CENPP: variants seen among roughly 807,000 people sequenced by gnomAD.
CENPP encodes centromere protein P.
In CENPP, 24 loss-of-function variants were observed where a neutral mutation model predicts 35.6. That is an observed-to-expected ratio of 0.67 (90% CI 0.49 to 0.95). CENPP has a LOEUF of 0.95. CENPP is among the 40% of genes least tolerant of loss of function. The pLI is 0.00. For missense variants in CENPP, 332 were observed against 345.3 expected (o/e 0.96, Z 0.31); for synonymous variants, 120 against 125.5 (o/e 0.96, Z 0.29).
Position 92,358,952 on chromosome 9 carries a change from CT to C in CENPP, c.467+13179del, listed in dbSNP as rs547707825. 5.2e-3 allele frequency among the ~76,000 whole-genome samples: 642 copies of C among 122,354 alleles called. 1 individual carries two copies. The highest frequency in any genetic ancestry group is 0.016 in the African/African-American group (518 of 32,202). 80.3% of individuals were successfully genotyped at this position (122,354 alleles called of 152,430 possible). Reference sequence around the variant, plus strand: ...TGTATCTCTTTTTTTTTCTTTCTTTCTTTTTTTTTTTTTTGAGATGGAGTTT... The same window carrying C: ...TGTATCTCTTTTTTTTTCTTTCTTTCTTTTTTTTTTTTTGAGATGGAGTTT... On this transcript the variant is annotated intron_variant, in intron 4 of 7. Transcript: ENST00000375587.
chr9:92,570,706 C>A (rs182796933), intron 5 of CENPP, among the ~76,000 whole-genome samples: 4,885 of 152,242 alleles, frequency 0.032, 110 homozygotes, highest in South Asian at 0.086. Flanking sequence ...TCCGTCTGGT[C>A]CTGGACTTTT....
chr9:92,404,795 ATTGTG>A, intron 5 of CENPP: 4 of 388,686 alleles, frequency 1.0e-5, no homozygotes, highest in Non-Finnish European at 1.6e-5. Flanking sequence ...TGATTTTATT[ATTGTG>A]TAATAAACAT....
chr9:92,399,809 A>G (rs950425459), intron 5 of CENPP, among the ~76,000 whole-genome samples: 2 of 152,042 alleles, frequency 1.3e-5, no homozygotes, highest in Non-Finnish European at 1.5e-5. Context: ...CTGAATTTTC[A>G]TGTGTATTTT....
At chr9:92,509,653 A>G (rs1255243840) in intron 5 of CENPP, among the ~76,000 whole-genome samples, 2 of 152,242 alleles carry the variant, frequency 1.3e-5, no homozygotes, top group African/African-American at 4.8e-5. Context: ...CTTGTGAATA[A>G]TAAGAACCTG....
chr9:92,501,915 CAG>C (rs1426698608), intron 5 of CENPP, among the ~76,000 whole-genome samples: 2 of 152,218 alleles, frequency 1.3e-5, no homozygotes, highest in African/African-American at 4.8e-5. Flanking sequence ...TCCAGGAAGA[CAG>C]AGTCTACTTT....
chr9:92,455,649 G>A (rs1195536240), intron 5 of CENPP, among the ~76,000 whole-genome samples: 1 of 151,812 alleles, frequency 6.6e-6, no homozygotes, highest in Admixed American at 6.6e-5. Flanking sequence ...TTTCCCCCTC[G>A]CCCCCAAGTT....
intron 5 of CENPP, among the ~76,000 whole-genome samples, chr9:92,568,130 C>CT (rs1554688420): frequency 6.6e-6 from 1 of 151,872 alleles, no homozygotes. Context: ...TACATGTGCA[C>CT]AACATGCAGG....
chr9:92,394,548 A>G (rs1442764440), intron 5 of CENPP, among the ~76,000 whole-genome samples: 1 of 150,872 alleles, frequency 6.6e-6, no homozygotes, highest in Non-Finnish European at 1.5e-5. Context: ...ATCACACCTG[A>G]CCTATTTTGA....
At chr9:92,451,878 C>T (rs1844720679) in intron 5 of CENPP, among the ~76,000 whole-genome samples, 1 of 151,920 alleles carries the variant, frequency 6.6e-6, no homozygotes, top group Non-Finnish European at 1.5e-5. Flanking sequence ...TGGGAGTTCA[C>T]TCATGATTTG....
chr9:92,533,314 A>ATAT (rs1848934895), intron 5 of CENPP, among the ~76,000 whole-genome samples: 32 of 94,992 alleles, frequency 3.4e-4, no homozygotes, highest in African/African-American at 1.3e-3. Flanking sequence ...AAAAAAAAAA[A>ATAT]AAAAAAAAAA....
At chr9:92,355,536 T>C (rs886265420) in intron 4 of CENPP, among the ~76,000 whole-genome samples, 2 of 152,108 alleles carry the variant, frequency 1.3e-5, no homozygotes, top group Admixed American at 6.5e-5. Flanking sequence ...TGAGAGAAAA[T>C]CAAACCATTT....
chr9:92,462,003 G>A (rs1484598297), intron 5 of CENPP, among the ~76,000 whole-genome samples: 1 of 151,538 alleles, frequency 6.6e-6, no homozygotes, highest in African/African-American at 2.4e-5. Context: ...TTTGTGGCAG[G>A]GTCTCACTCT....
rs1276844742 is a variant in CENPP, at chr9:92,472,502, A to T, written c.564+92643A>T. 2.0e-5 allele frequency among the ~76,000 whole-genome samples: 3 copies of T among 151,900 alleles called. No individual in the cohort carries two copies. The East Asian group carries it at 5.8e-4, about 29-fold the overall frequency. On this transcript the variant is annotated intron_variant, in intron 5 of 7. Transcript: ENST00000375587. ...GTAAAACCTCGTCTCTACTAAAAAT[A>T]TAAAAATTAGCCAGGCATGGTGGTG... is the stretch of plus-strand genomic sequence containing the variant.
intron 5 of CENPP, chr9:92,514,996 GTCTC>G (rs1563979835): frequency 1.2e-6 from 2 of 1,614,042 alleles, no homozygotes; most frequent in Non-Finnish European, 1.7e-6. Flanking sequence ...AGATTCAGGG[GTCTC>G]TCTCTTTTGC....
At chr9:92,497,874 TAAAAAA>T (rs71362393) in intron 5 of CENPP, among the ~76,000 whole-genome samples, 1 of 134,882 alleles carries the variant, frequency 7.4e-6, no homozygotes, top group African/African-American at 2.7e-5. Flanking sequence ...GCTGGTTGTT[TAAAAAA>T]AAAAAAAAAA....
rs950529652 is a variant in CENPP at position 92,488,358 on chromosome 9, C to T, written c.564+108499C>T. Among the ~76,000 whole-genome samples, 23 of 152,254 alleles carry T rather than the reference C, an allele frequency of 1.5e-4. 1 individual carries two copies. The East Asian group carries it at 3.1e-3, about 20-fold the overall frequency. ...ATCCTTCACTCTAGTGAAATATTTA[C>T]CGCCAAATTTATTTTAAGTTAATTA... is the stretch of plus-strand genomic sequence containing the variant. On this transcript the variant is annotated intron_variant, in intron 5 of 7. Coordinates refer to ENST00000375587, the MANE Select transcript of CENPP (RefSeq NM_001012267.3).
intron 5 of CENPP, chr9:92,457,143 G>A: frequency 7.1e-7 from 1 of 1,405,840 alleles, no homozygotes; most frequent in Admixed American, 3.2e-5. Context: ...GAAATTTCTT[G>A]TCATAAAATA....
intron 4 of CENPP, among the ~76,000 whole-genome samples, chr9:92,359,204 C>T (rs1183901782): frequency 1.3e-5 from 2 of 152,024 alleles, no homozygotes; most frequent in Non-Finnish European, 2.9e-5. Context: ...CTGCCTTGGC[C>T]TTTCAAAGTG....
chr9:92,360,046 T>C (rs752208252), intron 4 of CENPP, among the ~76,000 whole-genome samples: 5 of 152,216 alleles, frequency 3.3e-5, no homozygotes, highest in Non-Finnish European at 7.3e-5. Context: ...AGTGAAATTG[T>C]TATATAAGTG....
Sources: allele counts gnomAD v4.1 joint callset (sites outside exome capture counted in the v4.1 genomes callset), GRCh38; gene constraint gnomAD v4.1.1; transcripts MANE v1.5; gene names NCBI Gene and HGNC (gene_info 2026-07-23, HGNC 2026-07-21).